Variants in ZNF737 observed in about 807,000 individuals in gnomAD.
ZNF737 encodes zinc finger protein 737.
ZNF737 carries 13 observed loss-of-function variants against 11.7 expected under a neutral mutation model. That is an observed-to-expected ratio of 1.11 (90% CI 0.73 to 1.77). The LOEUF (loss-of-function observed/expected upper bound fraction) is 1.77. ZNF737 is among the 40% of genes most tolerant of loss of function. The probability of loss-of-function intolerance (pLI) is 0.00; values close to 1 mark genes in which losing one functional copy is unlikely to be tolerated. For missense variants in ZNF737, 636 were observed against 638.0 expected (o/e 1.00, Z 0.03); for synonymous variants, 217 against 216.2 (o/e 1.00, Z -0.03).
chr19:20,539,391 A>C lies in ZNF737; in HGVS notation c.*5201T>G. The C allele has an allele frequency of 1.0e-6, 1 of 985,432 alleles. No individual in the cohort carries two copies. The highest frequency in any genetic ancestry group is 1.2e-6 in the Non-Finnish European group (1 of 829,926). 61.0% of individuals were successfully genotyped at this position (985,432 alleles called of 1,614,324 possible). On this transcript the variant is annotated 3_prime_UTR_variant, in exon 4 of 4. Coordinates refer to ENST00000427401, the MANE Select transcript of ZNF737 (RefSeq NM_001159293.2). Reference sequence around the variant, plus strand: ...CTTTAGCCAGGATTTCAGATTTCAAAAGGTCAAAAACAATCATTGAGCAAA... The same window carrying C: ...CTTTAGCCAGGATTTCAGATTTCAACAGGTCAAAAACAATCATTGAGCAAA...
intron 3 of ZNF737, 104 bp downstream of exon 3, chr19:20,552,371 T>C (rs1043124852): frequency 2.9e-5 from 23 of 783,120 alleles, no homozygotes; most frequent in African/African-American, 1.8e-4. Flanking sequence ...ACTATTTTCT[T>C]TGGAGCACAG....
At position 20,565,745 on chromosome 19, in the gene ZNF737, C is replaced by G; in HGVS notation, c.-105G>C. The G allele has an allele frequency of 6.4e-7, 1 of 1,556,348 alleles. No homozygotes were observed. On this transcript the variant is annotated 5_prime_UTR_variant, in exon 1 of 4. Coordinates refer to ENST00000427401, the MANE Select transcript of ZNF737 (RefSeq NM_001159293.2). ...GCCTCTAGGAGCAGAGGACACACAG[C>G]AGTGAAGACAAGACCTGGAGCTCCG...
intron 3 of ZNF737, 21 bp downstream of exon 3, chr19:20,552,454 T>C (rs1356846288): frequency 1.3e-6 from 2 of 1,542,254 alleles, no homozygotes; most frequent in African/African-American, 1.4e-5. Context: ...GTCTGCTATA[T>C]TCATTTTCAC....
Position 20,561,840 on chromosome 19 carries a change from C to T in ZNF737, c.3+3798G>A, listed in dbSNP as rs1599438166. On this transcript the variant is annotated intron_variant, in intron 1 of 3. Coordinates refer to ENST00000427401, the MANE Select transcript of ZNF737 (RefSeq NM_001159293.2). ...AAAAACTGGGGAGTCCCATAACCTC[C>T]CTGAAGTTCAATAATTTGGTAGAGC... 2.0e-5 allele frequency among the ~76,000 whole-genome samples: 3 copies of T among 152,216 alleles called. No individual in the cohort carries two copies. In the South Asian group the frequency reaches 6.2e-4, roughly 32 times the overall value.
At chr19:20,552,401 A>T in intron 3 of ZNF737, 74 bp downstream of exon 3, 1 of 1,055,826 alleles carries the variant, frequency 9.5e-7, no homozygotes, top group Non-Finnish European at 1.3e-6. Flanking sequence ...TCACACTTTA[A>T]GGACTGGCTT....
At chr19:20,534,157 A>G (rs1448092620), downstream of ZNF737, among the ~76,000 whole-genome samples, 1 of 150,060 alleles carries the variant, frequency 6.7e-6, no homozygotes, top group Non-Finnish European at 1.5e-5. Flanking sequence ...AAAGTTGAAC[A>G]CTGAGCTGGG....
chr19:20,548,116 T>G (rs537302394), intron 3 of ZNF737, among the ~76,000 whole-genome samples: 1 of 151,996 alleles, frequency 6.6e-6, no homozygotes, highest in South Asian at 2.1e-4. Context: ...TACTTTAGCC[T>G]GGGCAACAGA....
At position 20,538,209 on chromosome 19, in the gene ZNF737, T is replaced by G. The variant is rs1195633323; in HGVS notation, c.*6383A>C. The G allele has an allele frequency of 5.8e-6, 1 of 173,874 alleles. No homozygotes were observed. The highest frequency in any genetic ancestry group is 2.4e-5 in the African/African-American group (1 of 41,840). The allele number at this position is 173,874 out of a possible 1,614,324, so 10.8% of individuals were successfully genotyped here. On this transcript the variant is annotated 3_prime_UTR_variant, in exon 4 of 4. Coordinates refer to ENST00000427401, the MANE Select transcript of ZNF737 (RefSeq NM_001159293.2). ...TTCTTAAATATCTGCTAAGCACAAT[T>G]AAAAAATCAATGTACTTTATGTTCT...
downstream of ZNF737, among the ~76,000 whole-genome samples, chr19:20,531,579 C>T (rs1967830144): frequency 6.7e-6 from 1 of 149,426 alleles, no homozygotes; most frequent in Middle Eastern, 3.5e-3. Flanking sequence ...CCTCTGCCTC[C>T]CTAGTAGCTG....
At chr19:20,534,194 C>T (rs1967896877), downstream of ZNF737, among the ~76,000 whole-genome samples, 1 of 150,090 alleles carries the variant, frequency 6.7e-6, no homozygotes, top group Non-Finnish European at 1.5e-5. Context: ...GTAATCCCAG[C>T]AATTTGGGAG....
In ZNF737 at chr19:20,542,883, A is replaced by G. The variant is rs1317784633; in HGVS notation, c.*1709T>C. ...CAGCATAATTTGAAAGCTGTATTAC[A>G]TCATTATTCAGCTTTCAAAAAATTT... On this transcript the variant is annotated 3_prime_UTR_variant, in exon 4 of 4. Coordinates refer to ENST00000427401, the MANE Select transcript of ZNF737 (RefSeq NM_001159293.2). The G allele has an allele frequency of 6.1e-6, 6 of 984,962 alleles. No homozygotes were observed. Among genetic ancestry groups the G allele is most frequent in the South Asian group, 9.4e-5 (2 of 21,278 alleles). 61.0% of individuals were successfully genotyped at this position (984,962 alleles called of 1,614,324 possible).
Position 20,565,733 on chromosome 19 carries a change from G to C in ZNF737, c.-93C>G. On this transcript the variant is annotated 5_prime_UTR_variant, in exon 1 of 4. Transcript: ENST00000427401. ...CACAGAGGCTGGGCCTCTAGGAGCA[G>C]AGGACACACAGCAGTGAAGACAAGA... The C allele has an allele frequency of 6.3e-7, 1 of 1,580,340 alleles. No homozygotes were observed. The highest frequency in any genetic ancestry group is 8.7e-7 in the Non-Finnish European group (1 of 1,149,216).
Position 20,552,488 on chromosome 19 carries a change from T to C in ZNF737, c.213A>G (p.Val71=). The part of the protein sequence containing the change: ...KPLTMKKHEM[V]ANPSVTCSHF... The stretch of plus-strand genomic sequence containing the variant: ...ACTTGCACCTACCTGAGGGGTTGGC[T>C]ACCATCTCATGTTTCTTCATGGTCA... Residue 71 remains valine (V), a synonymous_variant, in exon 3 of 4, where the codon GTA becomes GTG. Coordinates refer to ENST00000427401, the MANE Select transcript of ZNF737 (RefSeq NM_001159293.2). 6.3e-7 allele frequency: 1 copy of C among 1,593,214 alleles called. No individual in the cohort carries two copies. The highest frequency in any genetic ancestry group is 8.5e-7 in the Non-Finnish European group (1 of 1,172,692).
At position 20,538,994 on chromosome 19, in the gene ZNF737, C is replaced by T. The variant is rs1968089691; in HGVS notation, c.*5598G>A. ...ATGTGTGTACATAATGTGCATTTTC[C>T]TGCCTACCAAAATTATTCTGGCTGG... On this transcript the variant is annotated 3_prime_UTR_variant, in exon 4 of 4. Coordinates refer to ENST00000427401, the MANE Select transcript of ZNF737 (RefSeq NM_001159293.2). The T allele has an allele frequency of 1.0e-6, 1 of 985,330 alleles. No individual in the cohort carries two copies. The highest frequency in any genetic ancestry group is 5.2e-4 in the Middle Eastern group (1 of 1,914). 61.0% of individuals were successfully genotyped at this position (985,330 alleles called of 1,614,324 possible). A position where few individuals can be genotyped will look rare whatever the true frequency, so the allele number is the denominator to read the frequency against.
At chr19:20,535,854 TAA>T (rs35597979), downstream of ZNF737, 17 of 141,840 alleles carry the variant, frequency 1.2e-4, no homozygotes, top group Non-Finnish European at 1.8e-4. Context: ...ATGTAAAGTG[TAA>T]AAAAAAAAAA....
At chr19:20,560,718 T>G (rs1379730676) in intron 1 of ZNF737, among the ~76,000 whole-genome samples, 2 of 150,660 alleles carry the variant, frequency 1.3e-5, no homozygotes, top group African/African-American at 4.9e-5. Flanking sequence ...AGACGGAGGT[T>G]GTGGTGAGCC....
At chr19:20,530,411 C>A in the ZNF737 span, among the ~76,000 whole-genome samples, 6 of 148,218 alleles carry the variant, frequency 4.0e-5, no homozygotes. Context: ...CGGGGGCTGA[C>A]CCCCCACCTC....
Position 20,544,017 on chromosome 19 carries a change from A to G in ZNF737, c.*575T>C. 1.6e-6 allele frequency: 1 copy of G among 642,396 alleles called. No homozygotes were observed. The highest frequency in any genetic ancestry group is 1.9e-6 in the Non-Finnish European group (1 of 517,116). 39.8% of individuals were successfully genotyped at this position (642,396 alleles called of 1,614,324 possible). A position where few individuals can be genotyped will look rare whatever the true frequency, so the allele number is the denominator to read the frequency against. ...TTGGAGGACACCTGTAATCCCAGCT[A>G]CTCAGGAAGCTGAGGTAGGAGAATG... On this transcript the variant is annotated 3_prime_UTR_variant, in exon 4 of 4. Transcript: ENST00000427401.
chr19:20,552,144 T>C (rs7251498), intron 3 of ZNF737, among the ~76,000 whole-genome samples: 63,737 of 151,676 alleles, frequency 0.42, 13,569 homozygotes, highest in Admixed American at 0.48. Context: ...CTCAAAATCA[T>C]GCAGATATTT....
Sources: allele counts gnomAD v4.1 joint callset (sites outside exome capture counted in the v4.1 genomes callset), GRCh38; gene constraint gnomAD v4.1.1; transcripts MANE v1.5; gene names NCBI Gene and HGNC (gene_info 2026-07-23, HGNC 2026-07-21).